Variants in INPP4B observed in about 807,000 individuals in gnomAD.
INPP4B encodes inositol polyphosphate-4-phosphatase type II B.
A neutral mutation model predicts 122.5 loss-of-function variants in INPP4B; 55 were observed. The ratio of observed to expected loss-of-function variants is 0.45; its 90% CI spans 0.36 to 0.56. INPP4B has a LOEUF of 0.56. Among genes scored for constraint, INPP4B ranks in the 20% least tolerant of loss-of-function variants. INPP4B has a pLI of 0.00. For synonymous variants in INPP4B, 403 were observed against 388.7 expected (o/e 1.04, Z -0.43); for missense variants, 1,000 against 1,097.7 (o/e 0.91, Z 1.26).
intron 7 of INPP4B, among the ~76,000 whole-genome samples, chr4:142,392,091 T>C (rs962392158): frequency 6.6e-6 from 1 of 152,184 alleles, no homozygotes; most frequent in Admixed American, 6.5e-5. Context: ...AAGACTGTCT[T>C]TGACATCCAC....
chr4:142,426,447 C>T (rs1206983007), intron 5 of INPP4B: 1 of 151,744 alleles, frequency 6.6e-6, no homozygotes, highest in African/African-American at 2.4e-5. Flanking sequence ...AGTATTAACA[C>T]AAAGAAACAA....
At chr4:142,427,478 C>T (rs1348063221) in intron 5 of INPP4B, 1 of 679,980 alleles carries the variant, frequency 1.5e-6, no homozygotes, top group Non-Finnish European at 2.7e-6. Context: ...TGATTCAAAT[C>T]TGGAAATATA....
chr4:142,464,533 A>T (rs1050857118), intron 2 of INPP4B, among the ~76,000 whole-genome samples: 19 of 151,784 alleles, frequency 1.3e-4, no homozygotes, highest in African/African-American at 4.6e-4. Flanking sequence ...TAATTTGGGG[A>T]AAAAAAATTC....
intron 2 of INPP4B, among the ~76,000 whole-genome samples, chr4:142,586,552 T>C (rs1410437186): frequency 6.6e-6 from 1 of 152,174 alleles, no homozygotes; most frequent in Admixed American, 6.6e-5. Context: ...GGCTCACATT[T>C]TAACATTCTG....
intron 25 of INPP4B, among the ~76,000 whole-genome samples, chr4:142,048,633 G>T (rs530322419): frequency 6.6e-6 from 1 of 152,036 alleles, no homozygotes; most frequent in Non-Finnish European, 1.5e-5. Flanking sequence ...AACGATAAGT[G>T]GGGGAGAGCA....
intron 2 of INPP4B, among the ~76,000 whole-genome samples, chr4:142,640,586 T>C (rs921755723): frequency 6.6e-6 from 1 of 151,868 alleles, no homozygotes; most frequent in Non-Finnish European, 1.5e-5. Flanking sequence ...TTACAAGAAT[T>C]TAAAAAGCAC....
rs193196383 is a variant in INPP4B, at chr4:142,313,356, C to T, written c.423+1356G>A. ...TGAACCTTGATAAATAAATGGAACACCTTGATAGAATAATGTATTCCCCAT... is the reference window on the plus strand; with the variant it reads ...TGAACCTTGATAAATAAATGGAACATCTTGATAGAATAATGTATTCCCCAT... On this transcript the variant is annotated intron_variant, in intron 8 of 25. Transcript: ENST00000262992. Among the ~76,000 whole-genome samples the T allele has an allele frequency of 1.5e-4, 23 of 152,210 alleles. No individual in the cohort carries two copies. The East Asian group carries it at 4.2e-3, about 28-fold the overall frequency.
chr4:142,442,134 C>T (rs559536289), intron 3 of INPP4B, among the ~76,000 whole-genome samples: 1 of 152,106 alleles, frequency 6.6e-6, no homozygotes, highest in Admixed American at 6.5e-5. Flanking sequence ...ATGGGCCAGG[C>T]ACGGTGGCTC....
At chr4:142,260,046 G>A (rs1301868705) in intron 11 of INPP4B, among the ~76,000 whole-genome samples, 1 of 152,124 alleles carries the variant, frequency 6.6e-6, no homozygotes. Context: ...GTGCAGTGGC[G>A]CGATCTCGGC....
At chr4:142,116,717 C>A (rs1361924932) in intron 21 of INPP4B, among the ~76,000 whole-genome samples, 1 of 152,036 alleles carries the variant, frequency 6.6e-6, no homozygotes, top group Admixed American at 6.6e-5. Flanking sequence ...CAGGAAAGGT[C>A]TAAAATTGAC....
intron 15 of INPP4B, among the ~76,000 whole-genome samples, chr4:142,187,988 T>C (rs182793744): frequency 1.6e-3 from 246 of 152,176 alleles, no homozygotes; most frequent in African/African-American, 5.6e-3. Context: ...GTAGATTATA[T>C]GTGGGAAAAA....
At position 142,207,445 on chromosome 4, in the gene INPP4B, A is replaced by T. The variant is rs546009858; in HGVS notation, c.1072+980T>A. 2.0e-5 allele frequency among the ~76,000 whole-genome samples: 3 copies of T among 152,194 alleles called. No homozygotes were observed. The South Asian group carries it at 6.2e-4, about 32-fold the overall frequency. On this transcript the variant is annotated intron_variant, in intron 14 of 25. Coordinates refer to ENST00000262992, the MANE Select transcript of INPP4B (RefSeq NM_001101669.3). ...TGCTCTTGTGTTTTAACCTTTCTAAACCTGTAACTACTATGTTGTGACAAG... is the reference window on the plus strand; with the variant it reads ...TGCTCTTGTGTTTTAACCTTTCTAATCCTGTAACTACTATGTTGTGACAAG...
At chr4:142,312,993 G>A (rs1206022211) in intron 8 of INPP4B, among the ~76,000 whole-genome samples, 3 of 152,156 alleles carry the variant, frequency 2.0e-5, no homozygotes, top group Non-Finnish European at 4.4e-5. Flanking sequence ...TGCCACAACT[G>A]AGGAATCAAA....
rs187467799 is a variant in INPP4B, at chr4:142,184,779, G to T, written c.1181+8308C>A. On this transcript the variant is annotated intron_variant, in intron 15 of 25. Coordinates refer to ENST00000262992, the MANE Select transcript of INPP4B (RefSeq NM_001101669.3). ...ATTTTAAGTTAAGATCTGTGGTGGT[G>T]AGAAAGTTCTCTTCTGGTTCACTAT... Among the ~76,000 whole-genome samples the T allele has an allele frequency of 1.7e-3, 252 of 152,264 alleles. 2 individuals are homozygous for T. The highest frequency in any genetic ancestry group is 6.8e-3 in the Middle Eastern group (2 of 294).
chr4:142,734,286 T>TG (rs976716066), intron 1 of INPP4B, among the ~76,000 whole-genome samples: 1 of 152,192 alleles, frequency 6.6e-6, no homozygotes, highest in African/African-American at 2.4e-5. Flanking sequence ...ACCTTAACCT[T>TG]GGACTTTTAG....
intron 1 of INPP4B, among the ~76,000 whole-genome samples, chr4:142,824,740 T>C (rs565254328): frequency 6.6e-6 from 1 of 152,210 alleles, no homozygotes; most frequent in South Asian, 2.1e-4. Context: ...GATGGTTTGA[T>C]TACTTCAATG....
intron 2 of INPP4B, among the ~76,000 whole-genome samples, chr4:142,704,725 C>T (rs892920936): frequency 1.3e-5 from 2 of 152,218 alleles, no homozygotes; most frequent in Non-Finnish European, 2.9e-5. Context: ...GCCACGTAAA[C>T]ATGCTGATGA....
At chr4:142,496,057 T>C (rs1384291687) in intron 2 of INPP4B, among the ~76,000 whole-genome samples, 2 of 152,178 alleles carry the variant, frequency 1.3e-5, no homozygotes, top group African/African-American at 4.8e-5. Context: ...ATATGATTTT[T>C]GTAATTTATT....
chr4:142,799,905 A>C (rs998711643), intron 1 of INPP4B, among the ~76,000 whole-genome samples: 1 of 151,996 alleles, frequency 6.6e-6, no homozygotes, highest in South Asian at 2.1e-4. Flanking sequence ...TATATCAATT[A>C]TTCAGATTAT....
Sources: gnomAD v4.1 joint callset for allele counts (sites outside exome capture counted in the v4.1 genomes callset) on GRCh38, gnomAD v4.1.1 for gene constraint, MANE v1.5 for transcripts, NCBI Gene and HGNC (gene_info 2026-07-23, HGNC 2026-07-21) for gene names.